The following PPP6R2 variants were observed in gnomAD, a reference collection of about 807,000 sequenced individuals.
The protein encoded by PPP6R2 is serine/threonine-protein phosphatase 6 regulatory subunit 2.
In PPP6R2, 62 loss-of-function variants were observed where a neutral mutation model predicts 100.2. The observed-to-expected ratio is 0.62, with a 90% CI of 0.50 to 0.76. The LOEUF (loss-of-function observed/expected upper bound fraction) is 0.76. Among genes scored for constraint, PPP6R2 ranks in the 30% least tolerant of loss-of-function variants. PPP6R2 has a pLI of 0.00. For missense variants in PPP6R2, 1,142 were observed against 1,276.3 expected (o/e 0.89, Z 1.60); for synonymous variants, 525 against 514.7 (o/e 1.02, Z -0.27).
chr22:50,357,511 T>C (rs552747388), intron 1 of PPP6R2, among the ~76,000 whole-genome samples: 1 of 152,048 alleles, frequency 6.6e-6, no homozygotes, highest in Admixed American at 6.6e-5. Context: ...CTCTTTCTTT[T>C]TTGATGAGGT....
chr22:50,349,439 C>T (rs1179001274), intron 1 of PPP6R2, among the ~76,000 whole-genome samples: 2 of 149,754 alleles, frequency 1.3e-5, no homozygotes, highest in South Asian at 2.1e-4. Context: ...GAGGCTGAGG[C>T]GGGAGGATCA....
At chr22:50,333,622 G>A in the PPP6R2 span, among the ~76,000 whole-genome samples, 6 of 152,252 alleles carry the variant, frequency 3.9e-5, no homozygotes, top group East Asian at 1.9e-4. Flanking sequence ...ATGAGCCACC[G>A]CGCCTGGCCC....
intron 11 of PPP6R2, among the ~76,000 whole-genome samples, chr22:50,432,057 C>T (rs151037271): frequency 2.0e-5 from 3 of 152,098 alleles, no homozygotes; most frequent in East Asian, 3.9e-4. Context: ...ATCTTTAGGG[C>T]GCTCAGCAGT....
intron 22 of PPP6R2, among the ~76,000 whole-genome samples, chr22:50,441,893 G>A (rs1287844927): frequency 6.6e-6 from 1 of 152,178 alleles, no homozygotes; most frequent in Non-Finnish European, 1.5e-5. Flanking sequence ...GTAAACCTGA[G>A]GGGGAGGGTA....
the PPP6R2 span, among the ~76,000 whole-genome samples, chr22:50,332,521 C>T: frequency 3.7e-4 from 56 of 152,036 alleles, no homozygotes; most frequent in East Asian, 8.5e-3. Context: ...TGAGCCACTG[C>T]GCCTAGCCTC....
rs2063268854 is a variant in PPP6R2 at position 50,432,134 on chromosome 22, G to A, written c.1336-131G>A. 1.6e-5 allele frequency: 13 copies of A among 788,676 alleles called. 1 individual carries two copies. Among genetic ancestry groups the A allele is most frequent in the South Asian group, 1.2e-4 (7 of 59,654 alleles). 48.9% of individuals were successfully genotyped at this position (788,676 alleles called of 1,614,324 possible). A position where few individuals can be genotyped will look rare whatever the true frequency, so the allele number is the denominator to read the frequency against. ...CCGCGGAGGCTGGGGCTGTGCGTGC[G>A]CAGCAGTCAGGGCCTGCAAAGTCCA... On this transcript the variant is annotated intron_variant, in intron 11 of 23. Coordinates refer to ENST00000612753, the MANE Select transcript of PPP6R2 (RefSeq NM_001242898.2).
chr22:50,392,540 T>A (rs1449829632), intron 2 of PPP6R2, among the ~76,000 whole-genome samples: 1 of 152,148 alleles, frequency 6.6e-6, no homozygotes, highest in South Asian at 2.1e-4. Flanking sequence ...GCCTCACCCT[T>A]AGCTGCAGCT....
rs992510940 is a variant in PPP6R2, at chr22:50,444,331, TTTTTAA to T, written c.*88_*93del. 158 of 1,428,130 alleles carry T rather than the reference TTTTTAA, an allele frequency of 1.1e-4. No individual in the cohort carries two copies. Among genetic ancestry groups the T allele is most frequent in the Middle Eastern group, 2.0e-4 (1 of 4,944 alleles). 88.5% of individuals were successfully genotyped at this position (1,428,130 alleles called of 1,614,324 possible). A position where few individuals can be genotyped will look rare whatever the true frequency, so the allele number is the denominator to read the frequency against. On this transcript the variant is annotated 3_prime_UTR_variant, in exon 24 of 24. Coordinates refer to ENST00000612753, the MANE Select transcript of PPP6R2 (RefSeq NM_001242898.2). ...CTACCTGGTGATGCAATCTTTTTTT[TTTTTAA>T]TTTAATTTAATTTTAAAATAAATGC... is the stretch of plus-strand genomic sequence containing the variant.
intron 14 of PPP6R2, 38 bp from the exon 15 acceptor site, chr22:50,436,950 C>T: frequency 2.6e-6 from 4 of 1,518,460 alleles, no homozygotes; most frequent in Non-Finnish European, 3.6e-6. Flanking sequence ...GGGCGCTGGG[C>T]TGGCTCACAC....
At chr22:50,420,930 G>A (rs77062663) in intron 8 of PPP6R2, among the ~76,000 whole-genome samples, 5,704 of 152,322 alleles carry the variant, frequency 0.037, 158 homozygotes, top group Non-Finnish European at 0.058. Context: ...ACTCTCCCAA[G>A]GTGGCCGTAG....
chr22:50,426,609 C>T (rs369827443), intron 10 of PPP6R2, among the ~76,000 whole-genome samples: 1 of 152,086 alleles, frequency 6.6e-6, no homozygotes, highest in Non-Finnish European at 1.5e-5. Context: ...CCAAGGCAGG[C>T]AGATCACCTG....
chr22:50,357,741 G>T (rs1189327541), intron 1 of PPP6R2, among the ~76,000 whole-genome samples: 1 of 151,428 alleles, frequency 6.6e-6, no homozygotes, highest in African/African-American at 2.4e-5. Context: ...CTCCTGCCTC[G>T]GCCTCCCGAG....
chr22:50,370,495 GC>G (rs1569313202), intron 1 of PPP6R2, among the ~76,000 whole-genome samples: 1 of 151,368 alleles, frequency 6.6e-6, no homozygotes, highest in Admixed American at 6.6e-5. Flanking sequence ...CACTATGTTG[GC>G]CAGACTGGTC....
intron 10 of PPP6R2, among the ~76,000 whole-genome samples, chr22:50,429,584 A>G (rs2334099): frequency 0.69 from 105,117 of 152,092 alleles, 36,610 homozygotes; most frequent in East Asian, 0.94. Context: ...GTCCTCATTC[A>G]GCTTTGGTAT....
At chr22:50,378,577 A>ACTCT (rs111817105) in intron 2 of PPP6R2, among the ~76,000 whole-genome samples, 45,413 of 150,956 alleles carry the variant, frequency 0.3, 7,121 homozygotes, top group South Asian at 0.44. Context: ...CAAGAGCAAA[A>ACTCT]CTCTGAAAAA....
At chr22:50,389,395 G>A (rs1305938555) in intron 2 of PPP6R2, among the ~76,000 whole-genome samples, 4 of 152,112 alleles carry the variant, frequency 2.6e-5, no homozygotes, top group Non-Finnish European at 5.9e-5. Context: ...GTGTAGTTGT[G>A]CAGATAGGAG....
chr22:50,346,897 C>T (rs557268646), intron 1 of PPP6R2, among the ~76,000 whole-genome samples: 6 of 151,522 alleles, frequency 4.0e-5, no homozygotes, highest in East Asian at 2.0e-4. Flanking sequence ...CACCCGTACC[C>T]GTCAGTCACT....
chr22:50,335,086 C>G, the PPP6R2 span, among the ~76,000 whole-genome samples: 8 of 151,946 alleles, frequency 5.3e-5, no homozygotes, highest in Admixed American at 2.0e-4. Context: ...GGGTCTCGCT[C>G]TGTCGCCCAG....
At chr22:50,333,200 A>C in the PPP6R2 span, among the ~76,000 whole-genome samples, 21,646 of 152,064 alleles carry the variant, frequency 0.14, 1,706 homozygotes, top group South Asian at 0.31. Context: ...GATAATTGTG[A>C]GGGTTTTTTT....
Sources: gnomAD v4.1 joint callset for allele counts (sites outside exome capture counted in the v4.1 genomes callset) on GRCh38, gnomAD v4.1.1 for gene constraint, MANE v1.5 for transcripts, NCBI Gene and HGNC (gene_info 2026-07-23, HGNC 2026-07-21) for gene names.